The following DUXA variants were observed in gnomAD, a reference collection of about 807,000 sequenced individuals.
The protein encoded by DUXA is double homeobox A.
Under a neutral mutation model 27.5 loss-of-function variants are expected in DUXA, and 25 were observed. The observed-to-expected ratio is 0.91, with a 90% CI of 0.66 to 1.27. The LOEUF is 1.27. DUXA is among the 50% of genes most tolerant of loss of function. The pLI is 0.00. For missense variants in DUXA, 247 were observed against 242.9 expected (o/e 1.02, Z -0.11); for synonymous variants, 90 against 80.5 (o/e 1.12, Z -0.63).
At chr19:57,167,335 A>G (rs2087059738) in intron 1 of DUXA, 84 bp downstream of exon 1, 22 of 1,558,690 alleles carry the variant, frequency 1.4e-5, no homozygotes, top group Non-Finnish European at 1.9e-5. Flanking sequence ...TGGAACTCTC[A>G]CAACTTCTGA....
At chr19:57,160,976 G>A (rs1172740283) in intron 1 of DUXA, among the ~76,000 whole-genome samples, 179 bp from the exon 2 acceptor site, 1 of 151,974 alleles carries the variant, frequency 6.6e-6, no homozygotes, top group African/African-American at 2.4e-5. Context: ...AACTTCTTTA[G>A]CTCATCTGAA....
At chr19:57,154,695 C>G (rs10421475) in intron 5 of DUXA, among the ~76,000 whole-genome samples, 1 of 151,890 alleles carries the variant, frequency 6.6e-6, no homozygotes, top group African/African-American at 2.4e-5. Context: ...TCCCGAGTAG[C>G]TGGGACTACA....
At chr19:57,160,197 G>T (rs1027498695) in intron 2 of DUXA, among the ~76,000 whole-genome samples, 2 of 152,154 alleles carry the variant, frequency 1.3e-5, no homozygotes, top group Admixed American at 6.5e-5. Flanking sequence ...GGATTTCAAG[G>T]CTTCGGTGAG....
intron 1 of DUXA, among the ~76,000 whole-genome samples, chr19:57,161,440 G>A (rs542756388): frequency 0.12 from 17,196 of 146,068 alleles, 1,243 homozygotes; most frequent in South Asian, 0.15. Context: ...TGGCTAACAT[G>A]ATGAAACCCC....
intron 2 of DUXA, among the ~76,000 whole-genome samples, chr19:57,159,482 C>T (rs1207584148): frequency 3.3e-5 from 5 of 151,874 alleles, no homozygotes; most frequent in Non-Finnish European, 2.9e-5. Flanking sequence ...GGCGTGATCT[C>T]GGCTCACTGC....
At chr19:57,155,576 T>G (rs2086988911) in intron 4 of DUXA, among the ~76,000 whole-genome samples, 2 of 151,832 alleles carry the variant, frequency 1.3e-5, no homozygotes, top group African/African-American at 4.8e-5. Flanking sequence ...CAGGCTGATC[T>G]TGAACTTCTG....
rs2086980245 is a variant in DUXA at position 57,154,416 on chromosome 19, C to T, written c.611G>A (p.Trp204Ter). 1.2e-6 allele frequency: 2 copies of T among 1,613,514 alleles called. No homozygotes were observed. Among genetic ancestry groups the T allele is most frequent in the Non-Finnish European group, 1.7e-6 (2 of 1,179,530 alleles). ...SDSHFSGART[W>*] is the part of the protein sequence containing the mutation. The stretch of plus-strand genomic sequence containing the variant: ...GTACACTGAATTTGACTGTGTTCAC[C>T]ACGTTCTGGCTCCAGAGAAATGAGA... The change falls in exon 6 of 6, where the codon TGG (tryptophan) becomes TAG (stop). Residue 204 changes from tryptophan to a stop codon, truncating the protein, a stop_gained. Coordinates refer to ENST00000554048, the MANE Select transcript of DUXA (RefSeq NM_001012729.2). LOFTEE classifies it high-confidence loss of function.
rs1050169960 is a variant in DUXA at position 57,160,536 on chromosome 19, A to G, written c.180+107T>C. The stretch of plus-strand genomic sequence containing the variant: ...GGGTTTATTGAGGGTCAGTTGAGAT[A>G]CTCCCTACCAAGCCCTCAGCACATG... On this transcript the variant is annotated intron_variant, in intron 2 of 5. Transcript: ENST00000554048. 23 of 1,324,500 alleles carry G rather than the reference A, an allele frequency of 1.7e-5. No homozygotes were observed. In the African/African-American group the frequency reaches 3.2e-4, roughly 19 times the overall value. The allele number at this position is 1,324,500 out of a possible 1,614,324, so 82.0% of individuals were successfully genotyped here.
chr19:57,161,436 A>C (rs1374821380), intron 1 of DUXA, among the ~76,000 whole-genome samples: 2 of 149,904 alleles, frequency 1.3e-5, no homozygotes, highest in Non-Finnish European at 3.0e-5. Context: ...ATCCTGGCTA[A>C]CATGATGAAA....
chr19:57,155,443 C>A, intron 4 of DUXA, 71 bp from the exon 5 acceptor site: 2 of 1,237,538 alleles, frequency 1.6e-6, no homozygotes, highest in Non-Finnish European at 2.3e-6. Flanking sequence ...GCTTTCTTCT[C>A]TTTTTTCTTT....
Position 57,155,383 on chromosome 19 carries a change from A to G in DUXA, c.439-11T>C. On this transcript the variant is annotated splice_polypyrimidine_tract_variant and intron_variant, in intron 4 of 5. Coordinates refer to ENST00000554048, the MANE Select transcript of DUXA (RefSeq NM_001012729.2). ...ATTTTGGAACCAAATCTAAGTGGTA[A>G]GACAAAGAAACTTAATTTAAACAAA... is the stretch of plus-strand genomic sequence containing the variant. 6.3e-7 allele frequency: 1 copy of G among 1,583,288 alleles called. No individual in the cohort carries two copies. The highest frequency in any genetic ancestry group is 8.7e-7 in the Non-Finnish European group (1 of 1,153,324).
rs1366790166 is a variant in DUXA, at chr19:57,160,776, C to T, written c.47G>A (p.Arg16Lys). ...YSHKMVKTNH[R>K]RCRTKFTEEQ... Reference sequence around the variant, plus strand: ...TTCTGTGAATTTTGTGCGACAGCGCCTATGATTTGTTTTTACCATCTCTGT... The same window carrying T: ...TTCTGTGAATTTTGTGCGACAGCGCTTATGATTTGTTTTTACCATCTCTGT... The change falls in exon 2 of 6, where the codon AGG becomes AAG. Residue 16 changes from arginine to lysine, a missense_variant. Arg to Lys is a conservative substitution (Grantham distance 26, BLOSUM62 2). Transcript: ENST00000554048. 1 of 1,613,940 alleles carries T rather than the reference C, an allele frequency of 6.2e-7. No individual in the cohort carries two copies. The highest frequency in any genetic ancestry group is 8.5e-7 in the Non-Finnish European group (1 of 1,180,028).
chr19:57,158,584 C>T lies in DUXA; in HGVS notation c.293-111G>A. The T allele has an allele frequency of 1.5e-6, 2 of 1,300,774 alleles. 1 individual carries two copies. Among genetic ancestry groups the T allele is most frequent in the Middle Eastern group, 3.8e-4 (2 of 5,284 alleles). The allele number at this position is 1,300,774 out of a possible 1,614,324, so 80.6% of individuals were successfully genotyped here. A position where few individuals can be genotyped will look rare whatever the true frequency, so the allele number is the denominator to read the frequency against. On this transcript the variant is annotated intron_variant, in intron 3 of 5. Coordinates refer to ENST00000554048, the MANE Select transcript of DUXA (RefSeq NM_001012729.2). ...TGTCACTCTCCCTCCAATTTCGATC[C>T]CACTGACTCCTCCTGAGAGGATCTT...
At chr19:57,164,313 C>G (rs557627172) in intron 1 of DUXA, among the ~76,000 whole-genome samples, 2 of 152,206 alleles carry the variant, frequency 1.3e-5, no homozygotes, top group Admixed American at 1.3e-4. Context: ...CAGTGGCTCA[C>G]GCCTATAATC....
chr19:57,157,682 A>C (rs1291859014), intron 4 of DUXA, among the ~76,000 whole-genome samples: 7 of 152,030 alleles, frequency 4.6e-5, no homozygotes, highest in Non-Finnish European at 1.0e-4. Context: ...TGAAGGATAC[A>C]GTAGACATAA....
intron 1 of DUXA, among the ~76,000 whole-genome samples, chr19:57,163,881 C>T (rs2087037414): frequency 1.3e-5 from 2 of 152,084 alleles, no homozygotes. Flanking sequence ...GGCTCTTTTA[C>T]CTATCGATGA....
intron 1 of DUXA, among the ~76,000 whole-genome samples, chr19:57,162,058 T>C (rs1052182581): frequency 2.6e-5 from 4 of 152,126 alleles, no homozygotes; most frequent in Non-Finnish European, 5.9e-5. Context: ...ACCCAGCTAA[T>C]TTTTCTACTT....
chr19:57,157,354 C>CG (rs2122689789), intron 4 of DUXA, among the ~76,000 whole-genome samples: 1 of 151,716 alleles, frequency 6.6e-6, no homozygotes, highest in South Asian at 2.1e-4. Context: ...TTTTTCAAGA[C>CG]GGAGTCTTGC....
chr19:57,158,742 A>G (rs4801435), intron 3 of DUXA, among the ~76,000 whole-genome samples: 150,004 of 152,298 alleles, frequency 0.98, 73,878 homozygotes, highest in East Asian at 1. Context: ...CCGGCACTTT[A>G]AGAGACTGAG....
Sources: gnomAD v4.1 joint callset for allele counts (sites outside exome capture counted in the v4.1 genomes callset) on GRCh38, gnomAD v4.1.1 for gene constraint, MANE v1.5 for transcripts, NCBI Gene and HGNC (gene_info 2026-07-23, HGNC 2026-07-21) for gene names.